FHIT: variants seen among roughly 807,000 people sequenced by gnomAD.
The protein encoded by FHIT is bis(5'-adenosyl)-triphosphatase.
A neutral mutation model predicts 17.9 loss-of-function variants in FHIT; 19 were observed. The observed-to-expected ratio is 1.06, with a 90% confidence interval of 0.74 to 1.56. The LOEUF is 1.56. FHIT is among the 40% of genes most tolerant of loss of function. FHIT has a pLI of 0.00. For missense variants in FHIT, 248 were observed against 189.2 expected (o/e 1.31, Z -1.82); for synonymous variants, 81 against 69.7 (o/e 1.16, Z -0.81).
chr3:61,115,417 G>A (rs1386376069), intron 2 of FHIT, among the ~76,000 whole-genome samples: 1 of 152,118 alleles, frequency 6.6e-6, no homozygotes, highest in Non-Finnish European at 1.5e-5. Context: ...CAAGCACAAG[G>A]AGGCTGGAGC....
At chr3:59,892,398 T>C (rs1703891781) in intron 8 of FHIT, among the ~76,000 whole-genome samples, 1 of 152,206 alleles carries the variant, frequency 6.6e-6, no homozygotes, top group Non-Finnish European at 1.5e-5. Flanking sequence ...CAACAAAGCA[T>C]TTGGTGATTA....
rs1363698439 is a variant in FHIT at position 60,205,982 on chromosome 3, A to AATAAAAAT, written c.104-191831_104-191830insATTTTTAT. ...ATAAAAAAAAATAAAAAAATAAAAA[A>AATAAAAAT]ATTAGCCGGGCGTGGTTGCAGGCAC... On this transcript the variant is annotated intron_variant, in intron 5 of 9. Coordinates refer to ENST00000492590, the MANE Select transcript of FHIT (RefSeq NM_002012.4). Among the ~76,000 whole-genome samples the AATAAAAAT allele has an allele frequency of 2.5e-3, 375 of 151,020 alleles. 2 individuals are homozygous for AATAAAAAT. Among genetic ancestry groups the AATAAAAAT allele is most frequent in the Non-Finnish European group, 3.6e-3 (243 of 67,742 alleles).
chr3:59,753,852 A>G (rs17061164), intron 8 of FHIT, among the ~76,000 whole-genome samples: 5,810 of 152,166 alleles, frequency 0.038, 376 homozygotes, highest in African/African-American at 0.13. Flanking sequence ...TATTATCCCC[A>G]ACAACTTTTG....
chr3:60,098,865 T>C (rs150796631), intron 5 of FHIT, among the ~76,000 whole-genome samples: 4 of 152,332 alleles, frequency 2.6e-5, no homozygotes, highest in Non-Finnish European at 4.4e-5. Context: ...AAAAGTTATA[T>C]GTAGACTTTT....
chr3:59,866,971 T>C (rs1397224705), intron 8 of FHIT, among the ~76,000 whole-genome samples: 1 of 151,756 alleles, frequency 6.6e-6, no homozygotes, highest in Non-Finnish European at 1.5e-5. Flanking sequence ...TTAAAGGTGG[T>C]CACAGAATAA....
chr3:61,179,663 G>A (rs765962579), intron 2 of FHIT, among the ~76,000 whole-genome samples: 5 of 133,160 alleles, frequency 3.8e-5, no homozygotes, highest in Non-Finnish European at 7.7e-5. Flanking sequence ...AGCTATAATT[G>A]TGCCACTGCA....
At chr3:61,069,823 A>G (rs922649438) in intron 2 of FHIT, among the ~76,000 whole-genome samples, 5 of 152,238 alleles carry the variant, frequency 3.3e-5, no homozygotes, top group African/African-American at 4.8e-5. Context: ...AGATTGCAGG[A>G]GAATCAAGCT....
At chr3:60,953,443 TAAAAA>T (rs35247212) in intron 3 of FHIT, among the ~76,000 whole-genome samples, 5 of 149,938 alleles carry the variant, frequency 3.3e-5, no homozygotes, top group African/African-American at 9.8e-5. Context: ...CTATCCTACT[TAAAAA>T]AAAAAGTCAA....
chr3:60,319,648 C>T (rs1162904138), intron 5 of FHIT, among the ~76,000 whole-genome samples: 5 of 152,066 alleles, frequency 3.3e-5, no homozygotes, highest in Admixed American at 6.6e-5. Flanking sequence ...AGTCCGTGAC[C>T]AGAACAGCAA....
intron 1 of FHIT, among the ~76,000 whole-genome samples, chr3:61,223,702 C>T (rs1219847762): frequency 2.0e-5 from 3 of 152,214 alleles, no homozygotes; most frequent in Non-Finnish European, 4.4e-5. Flanking sequence ...TCCCCAATCC[C>T]TGACTCGAGT....
At chr3:60,211,085 A>AG (rs1703430578) in intron 5 of FHIT, among the ~76,000 whole-genome samples, 1 of 151,100 alleles carries the variant, frequency 6.6e-6, no homozygotes, top group Non-Finnish European at 1.5e-5. Context: ...AAAAAAAAAA[A>AG]AAGAAGAGGA....
chr3:60,666,726 T>C (rs1235524014), intron 4 of FHIT, among the ~76,000 whole-genome samples: 4 of 152,196 alleles, frequency 2.6e-5, no homozygotes, highest in African/African-American at 7.2e-5. Flanking sequence ...TGGAGTATAG[T>C]GGCACAATCA....
chr3:60,636,278 T>G (rs1290034954), intron 4 of FHIT, among the ~76,000 whole-genome samples: 8 of 152,028 alleles, frequency 5.3e-5, no homozygotes, highest in Admixed American at 5.2e-4. Context: ...ACCATGTTGG[T>G]CAGGATGGTC....
intron 8 of FHIT, among the ~76,000 whole-genome samples, chr3:59,761,224 G>GTTAT (rs1258208001): frequency 6.6e-6 from 1 of 152,188 alleles, no homozygotes; most frequent in Non-Finnish European, 1.5e-5. Flanking sequence ...TCGCCCAGTA[G>GTTAT]TTCTTTGCTT....
intron 3 of FHIT, among the ~76,000 whole-genome samples, chr3:60,870,695 T>G (rs1321704954): frequency 2.0e-5 from 3 of 152,196 alleles, no homozygotes; most frequent in Admixed American, 6.6e-5. Context: ...CCCATGGACC[T>G]CAGGCCTGCT....
intron 4 of FHIT, among the ~76,000 whole-genome samples, chr3:60,719,108 T>C (rs936009191): frequency 1.3e-5 from 2 of 152,198 alleles, no homozygotes; most frequent in Non-Finnish European, 2.9e-5. Flanking sequence ...CCTCTCTCCA[T>C]TGGCCTTAGC....
At chr3:60,141,937 G>A (rs1019446777) in intron 5 of FHIT, among the ~76,000 whole-genome samples, 1 of 152,142 alleles carries the variant, frequency 6.6e-6, no homozygotes, top group African/African-American at 2.4e-5. Context: ...GGAACGCCAA[G>A]TGTCAGAGTT....
chr3:59,893,736 A>G (rs1486074648), intron 8 of FHIT, among the ~76,000 whole-genome samples: 1 of 152,172 alleles, frequency 6.6e-6, no homozygotes, highest in East Asian at 1.9e-4. Context: ...TTGCTTTCAG[A>G]TTTACGTGAT....
chr3:60,273,739 C>T (rs2107632580), intron 5 of FHIT, among the ~76,000 whole-genome samples: 1 of 152,238 alleles, frequency 6.6e-6, no homozygotes, highest in South Asian at 2.1e-4. Context: ...ATGATGGTAC[C>T]TCCTAACTTC....
Sources: allele counts gnomAD v4.1 joint callset (sites outside exome capture counted in the v4.1 genomes callset), GRCh38; gene constraint gnomAD v4.1.1; transcripts MANE v1.5; gene names NCBI Gene and HGNC (gene_info 2026-07-23, HGNC 2026-07-21).